The following SPOPL variants were observed in gnomAD, a reference collection of about 807,000 sequenced individuals.
SPOPL encodes the protein speckle type BTB/POZ protein like, also known as speckle-type POZ protein-like.
SPOPL carries 23 observed loss-of-function variants against 53.8 expected under a neutral mutation model. The observed-to-expected ratio is 0.43, with a 90% CI of 0.31 to 0.61. SPOPL has a LOEUF of 0.61. SPOPL is among the 20% of genes least tolerant of loss of function. The pLI is 0.12. For synonymous variants in SPOPL, 164 were observed against 149.7 expected (o/e 1.10, Z -0.70); for missense variants, 442 against 466.9 (o/e 0.95, Z 0.49).
At chr2:138,529,124 C>G (rs1048693169) in intron 1 of SPOPL, among the ~76,000 whole-genome samples, 9 of 152,108 alleles carry the variant, frequency 5.9e-5, no homozygotes, top group Non-Finnish European at 8.8e-5. Flanking sequence ...AAATAGTTCT[C>G]TTTGTAATAT....
chr2:138,562,475 C>A (rs1381522881), intron 8 of SPOPL, among the ~76,000 whole-genome samples: 1 of 152,014 alleles, frequency 6.6e-6, no homozygotes, highest in Admixed American at 6.6e-5. Flanking sequence ...TACATGTGCA[C>A]CTCAAACCAT....
At chr2:138,559,377 C>T (rs776689670) in intron 7 of SPOPL, 40 bp downstream of exon 7, 107 of 1,555,524 alleles carry the variant, frequency 6.9e-5, no homozygotes, top group Middle Eastern at 6.8e-4. Flanking sequence ...TTTATATAAA[C>T]GTAAAGTAGT....
rs1685532537 is a variant in SPOPL at position 138,560,925 on chromosome 2, A to G, written c.835A>G (p.Lys279Glu). 1.9e-6 allele frequency: 3 copies of G among 1,608,280 alleles called. No homozygotes were observed. ...MADNLLAAADKYALERLKVMC... is the reference protein window; with the variant it reads ...MADNLLAAADEYALERLKVMC... ...TGACAACTTGTTGGCAGCTGCAGAC[A>G]AAGTAAGTAATTAGGTCTTAAGGAA... Residue 279 changes from lysine (K) to glutamate (E), a missense_variant and splice_region_variant, in exon 8 of 11, where the codon AAA becomes GAA. By Grantham distance (56) the Lys-to-Glu change is moderately conservative. Transcript: ENST00000280098.
chr2:138,549,193 A>T (rs75764223), intron 1 of SPOPL, among the ~76,000 whole-genome samples: 1,653 of 152,222 alleles, frequency 0.011, 33 homozygotes, highest in African/African-American at 0.037. Context: ...AGTTTTTGCT[A>T]GATATAGTTT....
chr2:138,521,114 G>T (rs1216963580), intron 1 of SPOPL, among the ~76,000 whole-genome samples: 1 of 152,190 alleles, frequency 6.6e-6, no homozygotes, highest in African/African-American at 2.4e-5. Flanking sequence ...ATCAGGTTCT[G>T]CAGTGACCTG....
intron 1 of SPOPL, among the ~76,000 whole-genome samples, chr2:138,539,971 C>T (rs866723912): frequency 6.6e-6 from 1 of 152,132 alleles, no homozygotes; most frequent in Non-Finnish European, 1.5e-5. Flanking sequence ...TATGGCTAGC[C>T]AGTTTTCCCA....
Position 138,559,009 on chromosome 2 carries a change from C to T in SPOPL, c.481-13C>T, listed in dbSNP as rs377651955. The T allele has an allele frequency of 6.5e-7, 1 of 1,547,298 alleles. No homozygotes were observed. Among genetic ancestry groups the T allele is most frequent in the African/African-American group, 1.4e-5 (1 of 71,816 alleles). ...TTGTGAAAGTGTTTTTCTTGCTGTC[C>T]CTTTTTTATTAGGTGAGTGTGGTCC... On this transcript the variant is annotated splice_polypyrimidine_tract_variant and intron_variant, in intron 5 of 10. Coordinates refer to ENST00000280098, the MANE Select transcript of SPOPL (RefSeq NM_001001664.3).
At chr2:138,509,854 T>C (rs1024811539) in intron 1 of SPOPL, among the ~76,000 whole-genome samples, 1 of 152,178 alleles carries the variant, frequency 6.6e-6, no homozygotes, top group African/African-American at 2.4e-5. Context: ...TTTTATGACA[T>C]CTATCTACCA....
rs774610271 is a variant in SPOPL, at chr2:138,564,319, C to T, written c.838-389C>T. 12 of 174,538 alleles carry T rather than the reference C, an allele frequency of 6.9e-5. No individual in the cohort carries two copies. The South Asian group carries it at 9.7e-4, about 14-fold the overall frequency. 10.8% of individuals were successfully genotyped at this position (174,538 alleles called of 1,614,324 possible). A position where few individuals can be genotyped will look rare whatever the true frequency, so the allele number is the denominator to read the frequency against. On this transcript the variant is annotated intron_variant, in intron 8 of 10. Transcript: ENST00000280098. ...CAAGAATGTTTAGTGGTTATAAATA[C>T]GATTTATTTAACGTTACAATGAATT...
At chr2:138,513,712 C>T (rs1306643832) in intron 1 of SPOPL, among the ~76,000 whole-genome samples, 1 of 147,090 alleles carries the variant, frequency 6.8e-6, no homozygotes, top group African/African-American at 2.6e-5. Context: ...TGCGCTCCAG[C>T]CTAGGAAATA....
At chr2:138,540,420 A>G (rs1441939640) in intron 1 of SPOPL, among the ~76,000 whole-genome samples, 2 of 152,014 alleles carry the variant, frequency 1.3e-5, no homozygotes, top group Non-Finnish European at 2.9e-5. Flanking sequence ...CTTTTATTTC[A>G]TTGAGCAGTG....
intron 1 of SPOPL, among the ~76,000 whole-genome samples, chr2:138,510,271 G>T (rs1472564958): frequency 6.6e-6 from 1 of 152,190 alleles, no homozygotes; most frequent in Non-Finnish European, 1.5e-5. Flanking sequence ...GTAAGAGTAC[G>T]TTTAGTTTTG....
chr2:138,510,680 C>T (rs1185121665), intron 1 of SPOPL, among the ~76,000 whole-genome samples: 2 of 152,116 alleles, frequency 1.3e-5, no homozygotes, highest in Non-Finnish European at 2.9e-5. Context: ...TGATAACTTC[C>T]TTCACATTAA....
At chr2:138,533,251 C>G (rs1684850660) in intron 1 of SPOPL, among the ~76,000 whole-genome samples, 1 of 152,104 alleles carries the variant, frequency 6.6e-6, no homozygotes, top group Non-Finnish European at 1.5e-5. Context: ...GTATATAGCT[C>G]TTGTTATTAA....
chr2:138,564,875 G>A (rs1204952034), intron 9 of SPOPL, 25 bp downstream of exon 9: 2 of 1,613,716 alleles, frequency 1.2e-6, no homozygotes, highest in Admixed American at 3.3e-5. Context: ...TATTTCAGTG[G>A]GCATGACAAC....
chr2:138,541,027 T>G (rs1296664666), intron 1 of SPOPL, among the ~76,000 whole-genome samples: 1 of 152,226 alleles, frequency 6.6e-6, no homozygotes, highest in Non-Finnish European at 1.5e-5. Context: ...TTGTTTCTGT[T>G]TATATGCTGG....
intron 1 of SPOPL, among the ~76,000 whole-genome samples, chr2:138,506,174 G>A (rs1022192388): frequency 5.1e-4 from 78 of 152,352 alleles, no homozygotes; most frequent in African/African-American, 1.8e-3. Context: ...AGAGGCAAGT[G>A]TAAATACAGG....
In SPOPL at chr2:138,570,963, G is replaced by C. The variant is rs1353840040; in HGVS notation, c.*1883G>C. 6.6e-6 allele frequency: 1 copy of C among 151,888 alleles called. No homozygotes were observed. Among genetic ancestry groups the C allele is most frequent in the Non-Finnish European group, 1.5e-5 (1 of 67,978 alleles). 9.4% of individuals were successfully genotyped at this position (151,888 alleles called of 1,614,324 possible). On this transcript the variant is annotated 3_prime_UTR_variant, in exon 11 of 11. Transcript: ENST00000280098. ...AATTTGAAATTGGAAGAATCTCTTGGGATAGAAGAAAGATTCTTACCTGGT... is the reference window on the plus strand; with the variant it reads ...AATTTGAAATTGGAAGAATCTCTTGCGATAGAAGAAAGATTCTTACCTGGT...
At chr2:138,527,186 G>T (rs1053115889) in intron 1 of SPOPL, among the ~76,000 whole-genome samples, 2 of 152,006 alleles carry the variant, frequency 1.3e-5, no homozygotes, top group South Asian at 4.1e-4. Flanking sequence ...ATCCAGATGT[G>T]TCTAGGTATA....
Sources: gnomAD v4.1 joint callset for allele counts (sites outside exome capture counted in the v4.1 genomes callset) on GRCh38, gnomAD v4.1.1 for gene constraint, MANE v1.5 for transcripts, NCBI Gene and HGNC (gene_info 2026-07-23, HGNC 2026-07-21) for gene names.